The following TP63 variants were observed in gnomAD, a reference collection of about 807,000 sequenced individuals.
TP63 encodes tumor protein p63, also known as tumor protein 63.
Under a neutral mutation model 82.8 loss-of-function variants are expected in TP63, and 17 were observed. That is an observed-to-expected ratio of 0.21 (90% CI 0.14 to 0.31). The LOEUF (loss-of-function observed/expected upper bound fraction) is 0.31. TP63 is among the 10% of genes least tolerant of loss of function. The pLI is 1.00. For synonymous variants in TP63, 330 were observed against 321.7 expected, an observed-to-expected ratio of 1.03 and a Z score of -0.28; for missense variants, 648 against 895.3, an observed-to-expected ratio of 0.72 and a Z score of 3.52.
intron 1 of TP63, among the ~76,000 whole-genome samples, chr3:189,634,142 C>T (rs901831389): frequency 4.0e-5 from 6 of 151,708 alleles, no homozygotes; most frequent in African/African-American, 1.2e-4. Context: ...AGCAGACAAC[C>T]GTTGTAGTTC....
At chr3:189,840,359 C>CTTTTTTTTTTTTTT in intron 4 of TP63, among the ~76,000 whole-genome samples, 1 of 44,448 alleles carries the variant, frequency 2.2e-5, no homozygotes, top group Admixed American at 2.6e-4. Flanking sequence ...TGCTTTTCGT[C>CTTTTTTTTTTTTTT]TTTTTTTTTT....
At chr3:189,617,405 CA>C in the TP63 span, among the ~76,000 whole-genome samples, 1 of 152,128 alleles carries the variant, frequency 6.6e-6, no homozygotes, top group South Asian at 2.1e-4. Flanking sequence ...TGAGAATAAA[CA>C]AAAATATATT....
intron 10 of TP63, among the ~76,000 whole-genome samples, chr3:189,875,144 C>T (rs1357665417): frequency 1.3e-5 from 2 of 151,806 alleles, no homozygotes; most frequent in Admixed American, 6.6e-5. Flanking sequence ...CAGAAACAGC[C>T]GAAGATAATG....
intron 1 of TP63, among the ~76,000 whole-genome samples, chr3:189,674,766 A>G (rs1715241217): frequency 6.6e-6 from 1 of 152,134 alleles, no homozygotes; most frequent in Non-Finnish European, 1.5e-5. Flanking sequence ...ATGGGACTCT[A>G]TCAATGTGTG....
chr3:189,741,883 C>T (rs79937496), intron 3 of TP63, among the ~76,000 whole-genome samples: 1 of 152,060 alleles, frequency 6.6e-6, no homozygotes, highest in Non-Finnish European at 1.5e-5. Flanking sequence ...AGTGGAGGCT[C>T]TCCAAAAAAT....
intron 1 of TP63, among the ~76,000 whole-genome samples, chr3:189,639,152 A>G (rs7636839): frequency 0.45 from 67,948 of 151,950 alleles, 15,809 homozygotes; most frequent in East Asian, 0.51. Context: ...ATTCACCATG[A>G]AAAAGTCCTC....
intron 10 of TP63, among the ~76,000 whole-genome samples, chr3:189,882,371 A>G (rs12107036): frequency 0.45 from 68,101 of 151,888 alleles, 15,933 homozygotes; most frequent in Middle Eastern, 0.57. Flanking sequence ...TTTAGTAGCC[A>G]GATAACCCGG....
chr3:189,791,168 TC>T (rs1267645791), intron 3 of TP63, among the ~76,000 whole-genome samples: 2 of 152,154 alleles, frequency 1.3e-5, no homozygotes, highest in African/African-American at 4.8e-5. Context: ...CCAGTTTTAA[TC>T]ATTCAGAAAA....
At chr3:189,661,570 G>C (rs1713884397) in intron 1 of TP63, among the ~76,000 whole-genome samples, 1 of 152,060 alleles carries the variant, frequency 6.6e-6, no homozygotes, top group Admixed American at 6.6e-5. Flanking sequence ...TTTGGTATCA[G>C]GGTGATGCTG....
intron 1 of TP63, among the ~76,000 whole-genome samples, chr3:189,732,998 G>C (rs1720285070): frequency 6.6e-6 from 1 of 152,170 alleles, no homozygotes; most frequent in Non-Finnish European, 1.5e-5. Context: ...GTAGGCATGG[G>C]AAAGGCAGTG....
intron 1 of TP63, among the ~76,000 whole-genome samples, chr3:189,711,888 C>A (rs992447341): frequency 6.6e-6 from 1 of 152,156 alleles, no homozygotes; most frequent in Non-Finnish European, 1.5e-5. Flanking sequence ...GCTGATGGAA[C>A]TTCCGTGATA....
At chr3:189,682,535 G>GT (rs1716011292) in intron 1 of TP63, among the ~76,000 whole-genome samples, 1 of 22,888 alleles carries the variant, frequency 4.4e-5, no homozygotes, top group African/African-American at 3.0e-4. Context: ...GGTCCTAAGG[G>GT]GAAAAAAAAA....
Position 189,721,800 on chromosome 3 carries a change from A to G in TP63, c.63-15940A>G, listed in dbSNP as rs200404160. Among the ~76,000 whole-genome samples, 5 of 152,276 alleles carry G rather than the reference A, an allele frequency of 3.3e-5. No individual in the cohort carries two copies. In the East Asian group the frequency reaches 9.7e-4, roughly 29 times the overall value. Reference sequence around the variant, plus strand: ...GGTTCTGAACCTCACCAAGCATTACAATCTCTTGTGGAATTTCTAGACTTT... The same window carrying G: ...GGTTCTGAACCTCACCAAGCATTACGATCTCTTGTGGAATTTCTAGACTTT... On this transcript the variant is annotated intron_variant, in intron 1 of 13. Transcript: ENST00000264731.
At chr3:189,705,801 C>T (rs1167739419) in intron 1 of TP63, among the ~76,000 whole-genome samples, 1 of 152,116 alleles carries the variant, frequency 6.6e-6, no homozygotes, top group East Asian at 1.9e-4. Context: ...TAGAAAGGAA[C>T]ACTGGCCTAG....
chr3:189,660,847 G>C (rs1426731912), intron 1 of TP63, among the ~76,000 whole-genome samples: 3 of 26,546 alleles, frequency 1.1e-4, no homozygotes, highest in Non-Finnish European at 9.0e-4. Context: ...TTGCATTCTT[G>C]ATTTGCTCTC....
At chr3:189,681,931 G>C (rs1001993741) in intron 1 of TP63, among the ~76,000 whole-genome samples, 1 of 152,020 alleles carries the variant, frequency 6.6e-6, no homozygotes, top group African/African-American at 2.4e-5. Context: ...CAATGCAAAG[G>C]CTTTGAAAAC....
intron 3 of TP63, among the ~76,000 whole-genome samples, chr3:189,745,310 C>T (rs985082161): frequency 8.5e-5 from 13 of 152,128 alleles, no homozygotes; most frequent in Admixed American, 2.6e-4. Flanking sequence ...AATATTGATA[C>T]TGAGAAGCTC....
At chr3:189,869,720 T>G (rs1479286441) in intron 9 of TP63, among the ~76,000 whole-genome samples, 3 of 151,218 alleles carry the variant, frequency 2.0e-5, no homozygotes, top group Admixed American at 6.6e-5. Flanking sequence ...CTAGGGTGTT[T>G]TTTTTTTTTT....
At chr3:189,855,414 C>T (rs1447276199) in intron 4 of TP63, among the ~76,000 whole-genome samples, 1 of 152,104 alleles carries the variant, frequency 6.6e-6, no homozygotes, top group Non-Finnish European at 1.5e-5. Context: ...CTGAAATGTA[C>T]ATTGACTCAA....
Sources: allele counts gnomAD v4.1 joint callset (sites outside exome capture counted in the v4.1 genomes callset), GRCh38; gene constraint gnomAD v4.1.1; transcripts MANE v1.5; gene names NCBI Gene and HGNC (gene_info 2026-07-23, HGNC 2026-07-21).